Variants in NELL2 observed in about 807,000 individuals in gnomAD.
NELL2 encodes the protein protein kinase C-binding protein NELL2.
In NELL2, 41 loss-of-function variants were observed where a neutral mutation model predicts 109.6. The ratio of observed to expected loss-of-function variants is 0.37; its 90% CI spans 0.29 to 0.49. The LOEUF is 0.49. Ranked by LOEUF, NELL2 falls within the 20% of genes least tolerant of loss-of-function variation. The pLI is 0.98. For missense variants in NELL2, 900 were observed against 1,008.3 expected (o/e 0.89, Z 1.45); for synonymous variants, 355 against 344.7 (o/e 1.03, Z -0.33).
intron 9 of NELL2, among the ~76,000 whole-genome samples, chr12:44,754,099 T>A (rs147590197): frequency 1.5e-4 from 23 of 152,290 alleles, no homozygotes; most frequent in African/African-American, 5.1e-4. Context: ...TTGGGAGATA[T>A]TTGGAAATAT....
At chr12:44,743,165 G>C (rs1434153266) in intron 9 of NELL2, among the ~76,000 whole-genome samples, 1 of 152,122 alleles carries the variant, frequency 6.6e-6, no homozygotes, top group Non-Finnish European at 1.5e-5. Context: ...TTAAAGAAAA[G>C]AATTTTCAAC....
chr12:44,559,730 G>A (rs1239824719), intron 15 of NELL2, among the ~76,000 whole-genome samples: 1 of 152,048 alleles, frequency 6.6e-6, no homozygotes, highest in African/African-American at 2.4e-5. Flanking sequence ...AATAATGGTG[G>A]GAGACTTTAA....
chr12:44,897,965 G>A (rs1286886309), intron 1 of NELL2, among the ~76,000 whole-genome samples: 1 of 152,158 alleles, frequency 6.6e-6, no homozygotes, highest in African/African-American at 2.4e-5. Flanking sequence ...GCTTCAGTAG[G>A]TGCTTTTCCC....
At chr12:44,665,062 C>A (rs1010158879) in intron 13 of NELL2, among the ~76,000 whole-genome samples, 1 of 151,854 alleles carries the variant, frequency 6.6e-6, no homozygotes, top group Non-Finnish European at 1.5e-5. Flanking sequence ...TGAAGAAGCT[C>A]ATTTATATTT....
chr12:44,766,937 T>C (rs1941357858), intron 9 of NELL2, among the ~76,000 whole-genome samples: 1 of 152,214 alleles, frequency 6.6e-6, no homozygotes, highest in Non-Finnish European at 1.5e-5. Flanking sequence ...ACAAAACACA[T>C]TTATTCAAGG....
At chr12:44,791,119 A>ATATG (rs1360800177) in intron 3 of NELL2, among the ~76,000 whole-genome samples, 44 of 9,592 alleles carry the variant, frequency 4.6e-3, no homozygotes, top group African/African-American at 0.015. Flanking sequence ...GTATATATAT[A>ATATG]TGTATATATA....
chr12:44,690,957 T>C (rs902070908), intron 12 of NELL2, among the ~76,000 whole-genome samples: 41 of 152,208 alleles, frequency 2.7e-4, no homozygotes, highest in African/African-American at 9.9e-4. Context: ...TTATTATTTC[T>C]TCCCTATATA....
chr12:44,665,642 G>A, intron 12 of NELL2, 33 bp from the exon 13 acceptor site: 1 of 1,596,388 alleles, frequency 6.3e-7, no homozygotes, highest in Non-Finnish European at 8.5e-7. Flanking sequence ...GAGGTCAACA[G>A]TGGGCAATAT....
chr12:44,569,130 G>A (rs930590248), intron 15 of NELL2, among the ~76,000 whole-genome samples: 6 of 152,000 alleles, frequency 3.9e-5, no homozygotes, highest in African/African-American at 1.4e-4. Context: ...GAGAACAAGT[G>A]GTATTTGGTT....
chr12:44,721,916 T>C (rs1442022137), intron 9 of NELL2, among the ~76,000 whole-genome samples: 1 of 152,012 alleles, frequency 6.6e-6, no homozygotes, highest in African/African-American at 2.4e-5. Context: ...AACTCCATTA[T>C]GCAAAGAATG....
chr12:44,920,932 T>C (rs570712616), intron 1 of NELL2, among the ~76,000 whole-genome samples: 88 of 152,328 alleles, frequency 5.8e-4, no homozygotes, highest in African/African-American at 2.1e-3. Flanking sequence ...ATTTATTGAC[T>C]GATGGCTGAA....
chr12:44,558,854 A>G (rs1008737606), intron 15 of NELL2, among the ~76,000 whole-genome samples: 2 of 152,148 alleles, frequency 1.3e-5, no homozygotes, highest in African/African-American at 4.8e-5. Context: ...AAGGGGCTGA[A>G]GCCAGGGAGC....
At chr12:44,899,709 G>C (rs1210727764) in intron 1 of NELL2, among the ~76,000 whole-genome samples, 1 of 151,928 alleles carries the variant, frequency 6.6e-6, no homozygotes, top group Non-Finnish European at 1.5e-5. Context: ...TCAACTAATG[G>C]GCAAAATAAC....
At chr12:44,757,227 A>T (rs1940929157) in intron 9 of NELL2, among the ~76,000 whole-genome samples, 1 of 152,022 alleles carries the variant, frequency 6.6e-6, no homozygotes, top group Non-Finnish European at 1.5e-5. Context: ...TTCCACAGTC[A>T]TTTCCTACCT....
intron 13 of NELL2, among the ~76,000 whole-genome samples, chr12:44,663,893 C>T (rs1052173682): frequency 9.2e-5 from 14 of 152,110 alleles, no homozygotes; most frequent in African/African-American, 3.1e-4. Flanking sequence ...AAGAATATAA[C>T]AAAAACAAAG....
intron 2 of NELL2, among the ~76,000 whole-genome samples, chr12:44,869,607 C>T (rs11609078): frequency 1.3e-5 from 2 of 152,092 alleles, no homozygotes; most frequent in African/African-American, 4.8e-5. Flanking sequence ...ACAAAAAAGG[C>T]TCCTCCATAG....
chr12:44,601,357 G>C (rs1323606250), intron 15 of NELL2, among the ~76,000 whole-genome samples: 1 of 152,046 alleles, frequency 6.6e-6, no homozygotes, highest in Non-Finnish European at 1.5e-5. Flanking sequence ...AAGAACTTTT[G>C]ACTACTTTTT....
At position 44,766,683 on chromosome 12, in the gene NELL2, T is replaced by A. The variant is rs116614189; in HGVS notation, c.994+8064A>T. 4.9e-3 allele frequency among the ~76,000 whole-genome samples: 743 copies of A among 152,338 alleles called. 7 individuals are homozygous for A. The highest frequency in any genetic ancestry group is 0.016 in the African/African-American group (671 of 41,580). ...TCACTCTTTTGCTTTGGTATAAATC[T>A]GAAATCCTCTTACTTATTTCAAAGC... On this transcript the variant is annotated intron_variant, in intron 9 of 19. Transcript: ENST00000429094.
chr12:44,864,766 C>T (rs565055010), intron 2 of NELL2, among the ~76,000 whole-genome samples: 2 of 152,304 alleles, frequency 1.3e-5, no homozygotes, highest in Non-Finnish European at 2.9e-5. Flanking sequence ...GCAGCATACT[C>T]ATTCTTCTCA....
Sources: allele counts gnomAD v4.1 joint callset (sites outside exome capture counted in the v4.1 genomes callset), GRCh38; gene constraint gnomAD v4.1.1; transcripts MANE v1.5; gene names NCBI Gene and HGNC (gene_info 2026-07-23, HGNC 2026-07-21).